Variants in MACROD2 observed in about 807,000 individuals in gnomAD.
MACROD2 encodes ADP-ribose glycohydrolase MACROD2.
In MACROD2, 36 loss-of-function variants were observed where a neutral mutation model predicts 70.4. That is an observed-to-expected ratio of 0.51 (90% CI 0.39 to 0.68). The LOEUF (loss-of-function observed/expected upper bound fraction) is 0.68, where lower values mean the gene tolerates loss of function less well. MACROD2 is among the 30% of genes least tolerant of loss of function. MACROD2 has a pLI of 0.00. For synonymous variants in MACROD2, 172 were observed against 178.8 expected (o/e 0.96, Z 0.30); for missense variants, 496 against 538.4 (o/e 0.92, Z 0.78).
chr20:15,045,461 G>A (rs1298584445), intron 5 of MACROD2, among the ~76,000 whole-genome samples: 1 of 152,158 alleles, frequency 6.6e-6, no homozygotes, highest in Non-Finnish European at 1.5e-5. Flanking sequence ...AAGAGTGCTT[G>A]CAGGCATGTC....
chr20:16,040,535 T>C (rs961985080), intron 15 of MACROD2, among the ~76,000 whole-genome samples: 2 of 151,960 alleles, frequency 1.3e-5, no homozygotes, highest in Non-Finnish European at 2.9e-5. Context: ...TCCTTTTGAA[T>C]ACCTGGAAAT....
At chr20:14,274,445 AC>A (rs1273194651) in intron 3 of MACROD2, among the ~76,000 whole-genome samples, 6 of 152,056 alleles carry the variant, frequency 3.9e-5, no homozygotes, top group Admixed American at 2.6e-4. Context: ...AAATTCAACA[AC>A]CCTTCATGCT....
chr20:16,010,730 C>G (rs2066852691), intron 15 of MACROD2, among the ~76,000 whole-genome samples: 1 of 152,178 alleles, frequency 6.6e-6, no homozygotes, highest in Non-Finnish European at 1.5e-5. Context: ...CCCTCCATCC[C>G]TTCTGGGGAA....
rs200650137 is a variant in MACROD2, at chr20:14,557,798, C to T, written c.301+64290C>T. On this transcript the variant is annotated intron_variant, in intron 4 of 17. Transcript: ENST00000684519. Reference sequence around the variant, plus strand: ...GTGGGATTGTAAGATGGTGCAGTCACTGTGAAAAATGGTATAGCAGTTCAT... The same window carrying T: ...GTGGGATTGTAAGATGGTGCAGTCATTGTGAAAAATGGTATAGCAGTTCAT... 3.3e-5 allele frequency among the ~76,000 whole-genome samples: 5 copies of T among 151,748 alleles called. No homozygotes were observed. The East Asian group carries it at 9.7e-4, about 29-fold the overall frequency.
At chr20:15,092,884 A>G (rs569224577) in intron 5 of MACROD2, among the ~76,000 whole-genome samples, 10 of 152,286 alleles carry the variant, frequency 6.6e-5, no homozygotes, top group Middle Eastern at 6.8e-3. Context: ...CTCTCTCCGA[A>G]TAAGTGCTAA....
At chr20:14,724,477 A>G (rs2071505214) in intron 5 of MACROD2, among the ~76,000 whole-genome samples, 1 of 152,208 alleles carries the variant, frequency 6.6e-6, no homozygotes, top group African/African-American at 2.4e-5. Context: ...CTGAAAGGAA[A>G]TAAGCAACAT....
At chr20:14,796,352 G>A (rs2122124295) in intron 5 of MACROD2, among the ~76,000 whole-genome samples, 1 of 152,108 alleles carries the variant, frequency 6.6e-6, no homozygotes, top group East Asian at 1.9e-4. Context: ...ACCAGGCTGG[G>A]AAAGCCAGTA....
intron 5 of MACROD2, among the ~76,000 whole-genome samples, chr20:15,040,234 G>A (rs2075344901): frequency 6.6e-6 from 1 of 151,354 alleles, no homozygotes; most frequent in Admixed American, 6.6e-5. Flanking sequence ...AGAATGGTAA[G>A]AACCCAGGAG....
chr20:14,811,763 C>G (rs570684703), intron 5 of MACROD2, among the ~76,000 whole-genome samples: 2 of 152,098 alleles, frequency 1.3e-5, no homozygotes, highest in African/African-American at 4.8e-5. Flanking sequence ...AAAAAGTGGG[C>G]AAAGGATATG....
chr20:14,921,881 A>G (rs1487784699), intron 5 of MACROD2, among the ~76,000 whole-genome samples: 1 of 152,198 alleles, frequency 6.6e-6, no homozygotes, highest in Non-Finnish European at 1.5e-5. Flanking sequence ...GTGAATGTAC[A>G]ATCATTGTGT....
At chr20:15,117,156 T>C (rs76075761) in intron 5 of MACROD2, among the ~76,000 whole-genome samples, 1 of 152,280 alleles carries the variant, frequency 6.6e-6, no homozygotes, top group East Asian at 1.9e-4. Context: ...AGGTAAAATT[T>C]GTGTCCATGA....
intron 8 of MACROD2, among the ~76,000 whole-genome samples, chr20:15,593,859 C>T (rs1252878869): frequency 6.6e-6 from 1 of 152,216 alleles, no homozygotes; most frequent in African/African-American, 2.4e-5. Flanking sequence ...AGGCATCTGG[C>T]ATCTTTCAGA....
At chr20:15,397,980 G>A (rs749213178) in intron 6 of MACROD2, among the ~76,000 whole-genome samples, 1 of 152,170 alleles carries the variant, frequency 6.6e-6, no homozygotes, top group Non-Finnish European at 1.5e-5. Flanking sequence ...GCTGCTAGAA[G>A]TATTACGCAG....
intron 10 of MACROD2, among the ~76,000 whole-genome samples, chr20:15,902,785 A>G (rs1322967588): frequency 6.6e-6 from 1 of 152,114 alleles, no homozygotes; most frequent in Non-Finnish European, 1.5e-5. Flanking sequence ...CTCCAGTCCC[A>G]AGAAAGCCCC....
intron 8 of MACROD2, among the ~76,000 whole-genome samples, chr20:15,580,493 C>T (rs1568907061): frequency 6.6e-6 from 1 of 152,162 alleles, no homozygotes; most frequent in Non-Finnish European, 1.5e-5. Context: ...GCTCTCCTCC[C>T]CTTCTCTCCT....
chr20:15,788,329 C>T (rs912622784), intron 8 of MACROD2, among the ~76,000 whole-genome samples: 13 of 152,172 alleles, frequency 8.5e-5, no homozygotes, highest in African/African-American at 2.4e-4. Context: ...TTTCCAGAGC[C>T]ATAAGTATAT....
chr20:15,506,234 G>A (rs146087086), intron 8 of MACROD2, among the ~76,000 whole-genome samples: 7 of 152,304 alleles, frequency 4.6e-5, no homozygotes, highest in Non-Finnish European at 5.9e-5. Context: ...TTTCTACTGC[G>A]TGGAAGCAGT....
At chr20:14,207,942 A>G (rs1277170287) in intron 3 of MACROD2, among the ~76,000 whole-genome samples, 1 of 152,152 alleles carries the variant, frequency 6.6e-6, no homozygotes, top group African/African-American at 2.4e-5. Flanking sequence ...ATACAGCCTT[A>G]TTTTCTATTT....
At chr20:14,597,073 CTTA>C (rs1002223060) in intron 4 of MACROD2, among the ~76,000 whole-genome samples, 8 of 152,120 alleles carry the variant, frequency 5.3e-5, no homozygotes, top group Non-Finnish European at 1.0e-4. Flanking sequence ...TAATTTCTCC[CTTA>C]TTAACTTTTA....
Sources: gnomAD v4.1 joint callset for allele counts (sites outside exome capture counted in the v4.1 genomes callset) on GRCh38, gnomAD v4.1.1 for gene constraint, MANE v1.5 for transcripts, NCBI Gene and HGNC (gene_info 2026-07-23, HGNC 2026-07-21) for gene names.